DAB1: variants seen among roughly 807,000 people sequenced by gnomAD.
DAB1 encodes the protein disabled homolog 1.
DAB1 carries 15 observed loss-of-function variants against 64.6 expected under a neutral mutation model. The ratio of observed to expected loss-of-function variants is 0.23; its 90% CI spans 0.16 to 0.36. DAB1 has a LOEUF of 0.36. Ranked by LOEUF, DAB1 falls within the 10% of genes least tolerant of loss-of-function variation. DAB1 has a pLI of 1.00. For synonymous variants in DAB1, 235 were observed against 251.9 expected, an observed-to-expected ratio of 0.93 and a Z score of 0.64; for missense variants, 596 against 706.7, an observed-to-expected ratio of 0.84 and a Z score of 1.78.
chr1:57,131,389 C>T (rs187648025), intron 4 of DAB1, among the ~76,000 whole-genome samples: 2 of 152,314 alleles, frequency 1.3e-5, no homozygotes, highest in South Asian at 4.1e-4. Flanking sequence ...CTAAACCACA[C>T]TGTCATGTTT....
At chr1:57,783,106 C>CTTTTTTTT (rs58761251) in intron 6 of DAB1, among the ~76,000 whole-genome samples, 27 of 99,854 alleles carry the variant, frequency 2.7e-4, no homozygotes, top group East Asian at 6.3e-4. Context: ...TCTCTCTTTT[C>CTTTTTTTT]TTTTTTTTTT....
At chr1:58,485,145 A>G (rs1196191748) in intron 3 of DAB1, among the ~76,000 whole-genome samples, 1 of 149,288 alleles carries the variant, frequency 6.7e-6, no homozygotes, top group Non-Finnish European at 1.5e-5. Context: ...GTATGCGGGG[A>G]CAGATGTATA....
intron 5 of DAB1, chr1:58,056,381 T>A (rs765578771): frequency 3.2e-6 from 5 of 1,582,862 alleles, no homozygotes. Context: ...TTAATGGCCT[T>A]GTCCTTGGGC....
chr1:58,527,009 T>C lies in DAB1; in HGVS notation n.107+252A>G, dbSNP rs201734688. Among the ~76,000 whole-genome samples the C allele has an allele frequency of 3.3e-5, 5 of 152,136 alleles. No homozygotes were observed. In the East Asian group the frequency reaches 9.6e-4, roughly 29 times the overall value. On this transcript the variant is annotated intron_variant and non_coding_transcript_variant, in intron 2 of 20. Transcript: ENST00000485760. ...CTGACTTTCTTTTAATAGAACCTGATAATTACTATAATCTTATGGATTCTG... is the reference window on the plus strand; with the variant it reads ...CTGACTTTCTTTTAATAGAACCTGACAATTACTATAATCTTATGGATTCTG...
intron 4 of DAB1, among the ~76,000 whole-genome samples, chr1:58,188,808 TTC>T (rs1261063800): frequency 1.3e-5 from 2 of 152,208 alleles, no homozygotes; most frequent in Non-Finnish European, 2.9e-5. Flanking sequence ...TGCTTTGTTT[TTC>T]TCTGTTTACA....
intron 7 of DAB1, among the ~76,000 whole-genome samples, chr1:57,548,102 C>CTCTG (rs201625668): frequency 2.6e-5 from 4 of 152,166 alleles, no homozygotes; most frequent in African/African-American, 9.7e-5. Context: ...AAATATCTTT[C>CTCTG]TCTGTCTGTC....
At chr1:58,117,962 T>C (rs753623265) in intron 5 of DAB1, among the ~76,000 whole-genome samples, 1 of 151,842 alleles carries the variant, frequency 6.6e-6, no homozygotes. Context: ...AGTGCTGCAG[T>C]GGTGCAATCA....
intron 11 of DAB1, among the ~76,000 whole-genome samples, chr1:57,016,742 C>A (rs534181619): frequency 1.2e-4 from 18 of 152,232 alleles, no homozygotes; most frequent in African/African-American, 4.3e-4. Flanking sequence ...AAGACATATA[C>A]ATTTCAACAG....
chr1:57,463,596 T>C (rs979985840), intron 7 of DAB1, among the ~76,000 whole-genome samples: 7 of 152,064 alleles, frequency 4.6e-5, no homozygotes, highest in Non-Finnish European at 8.8e-5. Flanking sequence ...GAATCTTTCA[T>C]CCACCCTTGC....
intron 1 of DAB1, among the ~76,000 whole-genome samples, chr1:57,344,011 G>A (rs886489239): frequency 6.6e-6 from 1 of 152,264 alleles, no homozygotes; most frequent in Non-Finnish European, 1.5e-5. Context: ...CAGCCACTGT[G>A]TAAGCACATT....
intron 7 of DAB1, among the ~76,000 whole-genome samples, chr1:57,509,665 T>C (rs1295220211): frequency 2.6e-5 from 4 of 152,172 alleles, no homozygotes; most frequent in African/African-American, 4.8e-5. Flanking sequence ...CAACTCTCTG[T>C]AGCTGTGCCC....
At chr1:57,228,990 G>GTT (rs894123710) in intron 2 of DAB1, among the ~76,000 whole-genome samples, 2 of 152,252 alleles carry the variant, frequency 1.3e-5, no homozygotes, top group African/African-American at 4.8e-5. Context: ...ATATGTCTAT[G>GTT]TTCAGTGTGA....
At chr1:58,252,727 G>A (rs1660832896) in intron 4 of DAB1, among the ~76,000 whole-genome samples, 2 of 152,266 alleles carry the variant, frequency 1.3e-5, no homozygotes, top group African/African-American at 2.4e-5. Flanking sequence ...GACAGGTGAA[G>A]TAGCAGAGCT....
chr1:58,337,721 C>T (rs1002293491), intron 4 of DAB1, among the ~76,000 whole-genome samples: 2 of 152,080 alleles, frequency 1.3e-5, no homozygotes, highest in African/African-American at 4.8e-5. Context: ...TATAAAAATA[C>T]ATGTGTATTA....
intron 6 of DAB1, among the ~76,000 whole-genome samples, chr1:57,794,770 G>A (rs151059508): frequency 0.011 from 1,602 of 152,238 alleles, 22 homozygotes; most frequent in African/African-American, 0.037. Context: ...CTGGCTCCTT[G>A]CAGGTGTTCA....
In DAB1 at chr1:57,331,738, C is replaced by T. The variant is rs557586659; in HGVS notation, c.-136-40572G>A. Among the ~76,000 whole-genome samples, 18 of 152,288 alleles carry T rather than the reference C, an allele frequency of 1.2e-4. No individual in the cohort carries two copies. The East Asian group carries it at 3.1e-3, about 26-fold the overall frequency. ...AATTCTCAAAAGTTAAAGCCTTTTA[C>T]CCTTCCCACAATTGCTCTTCTTCTT... On this transcript the variant is annotated intron_variant, in intron 1 of 14. Coordinates refer to ENST00000371236, the MANE Select transcript of DAB1 (RefSeq NM_001365792.1).
At chr1:57,976,076 A>C (rs1408123363) in intron 5 of DAB1, among the ~76,000 whole-genome samples, 1 of 152,194 alleles carries the variant, frequency 6.6e-6, no homozygotes, top group Non-Finnish European at 1.5e-5. Flanking sequence ...TAGAGCACCA[A>C]GCCCCCCAAG....
rs150791156 is a variant in DAB1 at position 58,518,339 on chromosome 1, A to G, written n.107+8922T>C. Among the ~76,000 whole-genome samples, 21 of 97,856 alleles carry G rather than the reference A, an allele frequency of 2.1e-4. 2 individuals carry two copies. Among genetic ancestry groups the G allele is most frequent in the Admixed American group, 3.7e-4 (4 of 10,746 alleles). 64.2% of individuals were successfully genotyped at this position (97,856 alleles called of 152,430 possible). A position where few individuals can be genotyped will look rare whatever the true frequency, so the allele number is the denominator to read the frequency against. ...AGAAGAGAAGAGAAGAGAAGAGAAG[A>G]GAAGAGAAGAGAAGGGAAGGGAAGA... On this transcript the variant is annotated intron_variant and non_coding_transcript_variant, in intron 2 of 20. Transcript: ENST00000485760.
chr1:58,109,048 C>G (rs1466236039), intron 5 of DAB1, among the ~76,000 whole-genome samples: 1 of 152,190 alleles, frequency 6.6e-6, no homozygotes, highest in Non-Finnish European at 1.5e-5. Flanking sequence ...TTCCAGACAC[C>G]ACCGAGCTTC....
Sources: gnomAD v4.1 joint callset for allele counts (sites outside exome capture counted in the v4.1 genomes callset) on GRCh38, gnomAD v4.1.1 for gene constraint, MANE v1.5 for transcripts, NCBI Gene and HGNC (gene_info 2026-07-23, HGNC 2026-07-21) for gene names.